Variants in GALNT13 observed in about 807,000 individuals in gnomAD.
GALNT13 encodes UDP-GalNAc:polypeptide N-acetylgalactosaminyltransferase 13.
GALNT13 carries 28 observed loss-of-function variants against 64.2 expected under a neutral mutation model. The ratio of observed to expected loss-of-function variants is 0.44; its 90% CI spans 0.32 to 0.60. The LOEUF is 0.60. GALNT13 is among the 20% of genes least tolerant of loss of function. GALNT13 has a pLI of 0.05. For synonymous variants in GALNT13, 214 were observed against 224.6 expected, an observed-to-expected ratio of 0.95 and a Z score of 0.42; for missense variants, 577 against 669.8, an observed-to-expected ratio of 0.86 and a Z score of 1.53.
chr2:153,879,637 T>C (rs1686646287), intron 1 of GALNT13, among the ~76,000 whole-genome samples: 2 of 151,984 alleles, frequency 1.3e-5, no homozygotes, highest in Non-Finnish European at 2.9e-5. Context: ...CCTCCCAATG[T>C]ACTGGGATTA....
the GALNT13 span, among the ~76,000 whole-genome samples, chr2:153,193,661 A>AAC: frequency 2.0e-5 from 3 of 151,910 alleles, no homozygotes; most frequent in African/African-American, 4.8e-5. Flanking sequence ...ATAAAAAAAA[A>AAC]AACTTTTGAA....
At chr2:154,081,086 C>A (rs1465193787) in intron 3 of GALNT13, among the ~76,000 whole-genome samples, 1 of 151,370 alleles carries the variant, frequency 6.6e-6, no homozygotes, top group Non-Finnish European at 1.5e-5. Flanking sequence ...GTCCTTACTG[C>A]CTGAATTTTC....
chr2:154,184,306 T>A lies in GALNT13; in HGVS notation c.311+43801T>A, dbSNP rs1011290943. ...TTCAACCTTTGTGTGTACTTAAGAA[T>A]AAAATGAGTCTCCTGGATACTGTTT... On this transcript the variant is annotated intron_variant, in intron 4 of 12. Transcript: ENST00000392825. 1.3e-4 allele frequency among the ~76,000 whole-genome samples: 20 copies of A among 152,074 alleles called. 1 individual carries two copies.
At chr2:154,008,982 G>C (rs1696444263) in intron 3 of GALNT13, among the ~76,000 whole-genome samples, 1 of 152,062 alleles carries the variant, frequency 6.6e-6, no homozygotes, top group South Asian at 2.1e-4. Context: ...AGGTTAAATG[G>C]TTGTTCTATT....
the GALNT13 span, among the ~76,000 whole-genome samples, chr2:153,454,823 A>G: frequency 1.3e-5 from 2 of 152,358 alleles, no homozygotes; most frequent in South Asian, 2.1e-4. Context: ...TCACACCAAC[A>G]TTCTTTGTAA....
intron 2 of GALNT13, among the ~76,000 whole-genome samples, chr2:153,924,239 G>A (rs1689956999): frequency 7.0e-6 from 1 of 143,580 alleles, no homozygotes; most frequent in African/African-American, 2.6e-5. Flanking sequence ...AGTCCCTGGT[G>A]TATCTTGTTT....
At chr2:153,582,486 T>C in the GALNT13 span, among the ~76,000 whole-genome samples, 8 of 152,124 alleles carry the variant, frequency 5.3e-5, no homozygotes, top group Non-Finnish European at 1.0e-4. Flanking sequence ...TTCAGTGATT[T>C]CAGGTGCCAT....
the GALNT13 span, among the ~76,000 whole-genome samples, chr2:153,329,848 C>G: frequency 1.3e-5 from 2 of 152,120 alleles, no homozygotes; most frequent in Non-Finnish European, 2.9e-5. Flanking sequence ...TAAATTCCTT[C>G]CCAAGGTCAA....
chr2:153,364,718 G>A, the GALNT13 span, among the ~76,000 whole-genome samples: 1 of 152,112 alleles, frequency 6.6e-6, no homozygotes, highest in Non-Finnish European at 1.5e-5. Flanking sequence ...ACAAACCACT[G>A]CTCAAGAAAA....
chr2:153,976,221 A>C (rs921618488), intron 3 of GALNT13, among the ~76,000 whole-genome samples: 5 of 152,128 alleles, frequency 3.3e-5, no homozygotes, highest in African/African-American at 1.2e-4. Context: ...CAGTGCTTAG[A>C]TTAGCATTGG....
chr2:153,760,650 TA>T, the GALNT13 span, among the ~76,000 whole-genome samples: 4 of 152,168 alleles, frequency 2.6e-5, no homozygotes, highest in East Asian at 7.7e-4. Flanking sequence ...TTTTGTAGCC[TA>T]AGATGTAATC....
At chr2:153,140,985 C>G in the GALNT13 span, among the ~76,000 whole-genome samples, 1 of 151,924 alleles carries the variant, frequency 6.6e-6, no homozygotes, top group African/African-American at 2.4e-5. Context: ...ATCAGCTCCC[C>G]CAAAAATCCA....
At chr2:154,103,180 C>T (rs72870393) in intron 3 of GALNT13, among the ~76,000 whole-genome samples, 10,857 of 151,994 alleles carry the variant, frequency 0.071, 466 homozygotes, top group Middle Eastern at 0.14. Context: ...TCCTCCAAGG[C>T]TTTGTTCATT....
intron 3 of GALNT13, among the ~76,000 whole-genome samples, chr2:154,015,457 G>C (rs1205331366): frequency 1.3e-5 from 2 of 152,122 alleles, no homozygotes; most frequent in Admixed American, 6.5e-5. Flanking sequence ...AATAAGATGT[G>C]TCTGGTACAC....
the GALNT13 span, among the ~76,000 whole-genome samples, chr2:153,259,945 C>T: frequency 2.6e-5 from 4 of 151,766 alleles, no homozygotes; most frequent in African/African-American, 9.7e-5. Context: ...GCTTTAAATT[C>T]TTGATTTTTA....
the GALNT13 span, among the ~76,000 whole-genome samples, chr2:153,277,844 C>T: frequency 2.2e-4 from 33 of 148,510 alleles, no homozygotes; most frequent in South Asian, 6.8e-3. Flanking sequence ...AGTATCTGTT[C>T]TTTGCCCATT....
chr2:154,242,584 C>T (rs1490308746), intron 5 of GALNT13, 114 bp from the exon 6 acceptor site: 2 of 662,312 alleles, frequency 3.0e-6, no homozygotes, highest in Admixed American at 5.4e-5. Context: ...GCAGTAAATA[C>T]TGATAGGAAT....
At chr2:153,943,237 G>C (rs1306650160) in intron 2 of GALNT13, among the ~76,000 whole-genome samples, 2 of 151,964 alleles carry the variant, frequency 1.3e-5, no homozygotes, top group Non-Finnish European at 2.9e-5. Flanking sequence ...TAATAATTAT[G>C]TACATATCTT....
At chr2:153,880,535 G>T (rs1374250243) in intron 1 of GALNT13, among the ~76,000 whole-genome samples, 2 of 152,040 alleles carry the variant, frequency 1.3e-5, no homozygotes, top group East Asian at 1.9e-4. Flanking sequence ...TGATTTAAGG[G>T]TTTATGGGGT....
Sources: gnomAD v4.1 joint callset for allele counts (sites outside exome capture counted in the v4.1 genomes callset) on GRCh38, gnomAD v4.1.1 for gene constraint, MANE v1.5 for transcripts, NCBI Gene and HGNC (gene_info 2026-07-23, HGNC 2026-07-21) for gene names.